The following AFG2B variants were observed in gnomAD, a reference collection of about 807,000 sequenced individuals.
The protein encoded by AFG2B is AAA ATPase AFG2B.
the AFG2B span, chr15:45,403,421 G>T: frequency 1.8e-5 from 29 of 1,609,656 alleles, no homozygotes; most frequent in Admixed American, 4.9e-4. Flanking sequence ...CTGCTGGACG[G>T]CGCCAGTGGG....
chr15:45,406,560 A>T, the AFG2B span, among the ~76,000 whole-genome samples: 1 of 152,234 alleles, frequency 6.6e-6, no homozygotes, highest in Non-Finnish European at 1.5e-5. Flanking sequence ...TTAAGATATT[A>T]GATTAAATAT....
the AFG2B span, among the ~76,000 whole-genome samples, chr15:45,406,817 T>C: frequency 6.6e-6 from 1 of 152,278 alleles, no homozygotes; most frequent in African/African-American, 2.4e-5. Context: ...CTTCCTTTCC[T>C]TTATTTCTAC....
At chr15:45,415,987 C>T in the AFG2B span, 1 of 403,302 alleles carries the variant, frequency 2.5e-6, no homozygotes, top group Non-Finnish European at 4.4e-6. Context: ...AGGTGAGGTA[C>T]ATTTTATAAT....
chr15:45,402,958 CT>C, the AFG2B span: 1 of 1,596,938 alleles, frequency 6.3e-7, no homozygotes, highest in South Asian at 1.1e-5. Context: ...TCCCGCTGGG[CT>C]GGTCACCCCT....
At chr15:45,402,541 G>T in the AFG2B span, 1 of 1,593,828 alleles carries the variant, frequency 6.3e-7, no homozygotes, top group Non-Finnish European at 8.5e-7. Context: ...CGCCCTCCAC[G>T]CCCTGGGCGC....
At chr15:45,406,622 A>G in the AFG2B span, among the ~76,000 whole-genome samples, 1 of 152,222 alleles carries the variant, frequency 6.6e-6, no homozygotes, top group African/African-American at 2.4e-5. Flanking sequence ...TATATAATAA[A>G]TAGTCCTGAA....
the AFG2B span, chr15:45,415,868 T>C: frequency 8.1e-7 from 1 of 1,230,942 alleles, no homozygotes. Flanking sequence ...AATGCATATA[T>C]GCTATAGCTT....
the AFG2B span, chr15:45,417,411 C>T: frequency 2.0e-5 from 33 of 1,613,284 alleles, 1 homozygote; most frequent in East Asian, 7.4e-4. Context: ...TAGTCATTTA[C>T]ACATTTACTC....
chr15:45,414,791 T>C, the AFG2B span: 957 of 1,608,754 alleles, frequency 5.9e-4, 4 homozygotes, highest in African/African-American at 0.012. Context: ...GTTTGTTTAT[T>C]TCCCCATATG....
At chr15:45,404,655 A>G in the AFG2B span, among the ~76,000 whole-genome samples, 2 of 152,098 alleles carry the variant, frequency 1.3e-5, no homozygotes, top group Non-Finnish European at 1.5e-5. Flanking sequence ...AAAAATACAA[A>G]AAATAAGCCG....
chr15:45,403,674 A>G, the AFG2B span, among the ~76,000 whole-genome samples: 1 of 152,054 alleles, frequency 6.6e-6, no homozygotes, highest in African/African-American at 2.4e-5. Context: ...CTCTGCCGAT[A>G]TATGATCTGT....
chr15:45,417,279 A>G, the AFG2B span: 1 of 1,613,796 alleles, frequency 6.2e-7, no homozygotes, highest in Admixed American at 1.7e-5. Context: ...AGTTTCAAGA[A>G]GTTTTTAACC....
the AFG2B span, among the ~76,000 whole-genome samples, chr15:45,416,104 T>A: frequency 6.6e-6 from 1 of 152,222 alleles, no homozygotes; most frequent in Non-Finnish European, 1.5e-5. Context: ...TTGCATGTCC[T>A]AAAAACCAGT....
At chr15:45,414,779 A>G in the AFG2B span, 1 of 1,613,244 alleles carries the variant, frequency 6.2e-7, no homozygotes, top group Non-Finnish European at 8.5e-7. Flanking sequence ...GTGTTGTCTC[A>G]GGTTTGTTTA....
chr15:45,410,834 T>C, the AFG2B span, among the ~76,000 whole-genome samples: 1 of 152,120 alleles, frequency 6.6e-6, no homozygotes, highest in African/African-American at 2.4e-5. Context: ...GGGAGGAGGA[T>C]TGCTTGAGTT....
chr15:45,408,484 A>G, the AFG2B span, among the ~76,000 whole-genome samples: 1 of 152,160 alleles, frequency 6.6e-6, no homozygotes, highest in Non-Finnish European at 1.5e-5. Context: ...TTAACATTTT[A>G]ATGTCTATTT....
chr15:45,409,533 G>A, the AFG2B span, among the ~76,000 whole-genome samples: 1 of 151,948 alleles, frequency 6.6e-6, no homozygotes, highest in Admixed American at 6.6e-5. Flanking sequence ...TGTAAACCCA[G>A]TAATTCTACT....
the AFG2B span, among the ~76,000 whole-genome samples, chr15:45,407,863 G>T: frequency 1.3e-5 from 2 of 152,120 alleles, no homozygotes; most frequent in Non-Finnish European, 2.9e-5. Flanking sequence ...AAAAAAAAAT[G>T]TGTTTCACTA....
the AFG2B span, chr15:45,403,290 G>A: frequency 1.9e-6 from 3 of 1,588,606 alleles, no homozygotes. Flanking sequence ...GGGTCTTCCA[G>A]CGCGCCCGGG....
Sources: allele counts gnomAD v4.1 joint callset (sites outside exome capture counted in the v4.1 genomes callset), GRCh38; gene constraint gnomAD v4.1.1; transcripts MANE v1.5; gene names NCBI Gene and HGNC (gene_info 2026-07-23, HGNC 2026-07-21).